TGFBR3: variants seen among roughly 807,000 people sequenced by gnomAD.
TGFBR3 encodes the protein transforming growth factor beta receptor 3.
A neutral mutation model predicts 87.9 loss-of-function variants in TGFBR3; 46 were observed. That is an observed-to-expected ratio of 0.52 (90% CI 0.41 to 0.67). TGFBR3 has a LOEUF of 0.67. Ranked by LOEUF, TGFBR3 falls within the 30% of genes least tolerant of loss-of-function variation. TGFBR3 has a pLI of 0.00. For synonymous variants in TGFBR3, 381 were observed against 391.6 expected (o/e 0.97, Z 0.32); for missense variants, 866 against 1,041.9 (o/e 0.83, Z 2.32).
chr1:91,892,119 T>C (rs968303413), intron 2 of TGFBR3, among the ~76,000 whole-genome samples: 4 of 152,230 alleles, frequency 2.6e-5, no homozygotes, highest in African/African-American at 9.6e-5. Flanking sequence ...CCTGTGACTG[T>C]GCAGAAGCCC....
chr1:91,799,429 T>C (rs1428863235), intron 2 of TGFBR3, among the ~76,000 whole-genome samples: 1 of 152,178 alleles, frequency 6.6e-6, no homozygotes, highest in Admixed American at 6.5e-5. Flanking sequence ...TATGGGCAGG[T>C]GCTCCCTCTG....
intron 1 of TGFBR3, among the ~76,000 whole-genome samples, chr1:91,877,081 A>G (rs374595809): frequency 1.3e-5 from 2 of 152,058 alleles, no homozygotes; most frequent in African/African-American, 4.8e-5. Context: ...CAAACCTCTT[A>G]CCTATCTACC....
Position 91,767,458 on chromosome 1 carries a change from T to C in TGFBR3, c.247-8708A>G, listed in dbSNP as rs1406089943. On this transcript the variant is annotated intron_variant, in intron 3 of 16. Transcript: ENST00000212355. ...TTAAAAATCATGGTGGCAGCAGTAG[T>C]AATAACCATCATCATCATCATCTCC... Among the ~76,000 whole-genome samples, 6 of 133,382 alleles carry C rather than the reference T, an allele frequency of 4.5e-5. 2 individuals are homozygous for C. The highest frequency in any genetic ancestry group is 9.9e-5 in the Non-Finnish European group (6 of 60,806). 87.5% of individuals were successfully genotyped at this position (133,382 alleles called of 152,430 possible). A position where few individuals can be genotyped will look rare whatever the true frequency, so the allele number is the denominator to read the frequency against.
chr1:91,802,485 C>A (rs1675668707), intron 2 of TGFBR3, among the ~76,000 whole-genome samples: 1 of 152,116 alleles, frequency 6.6e-6, no homozygotes, highest in South Asian at 2.1e-4. Context: ...CTCAGCCTCC[C>A]AGGTAGCTAG....
intron 2 of TGFBR3, among the ~76,000 whole-genome samples, chr1:91,849,854 G>A (rs1172562153): frequency 6.6e-6 from 1 of 151,920 alleles, no homozygotes; most frequent in East Asian, 1.9e-4. Context: ...AGGCCGAGGC[G>A]GGCCGATCAC....
At chr1:91,786,482 G>A (rs570225168) in intron 3 of TGFBR3, among the ~76,000 whole-genome samples, 7 of 152,292 alleles carry the variant, frequency 4.6e-5, no homozygotes, top group Non-Finnish European at 7.4e-5. Flanking sequence ...CAGGTGTGGT[G>A]GCTCACACCT....
chr1:91,856,419 G>A (rs189509310), intron 2 of TGFBR3, among the ~76,000 whole-genome samples: 3 of 144,174 alleles, frequency 2.1e-5, no homozygotes, highest in Admixed American at 6.9e-5. Flanking sequence ...GATATCCCCC[G>A]ACCCACCCGG....
intron 3 of TGFBR3, among the ~76,000 whole-genome samples, chr1:91,779,735 C>T (rs1338585696): frequency 1.4e-5 from 2 of 142,562 alleles, no homozygotes; most frequent in Non-Finnish European, 3.0e-5. Flanking sequence ...GAGCATGGAA[C>T]TCAAACTAAT....
intron 3 of TGFBR3, chr1:91,770,925 T>G (rs1487792123): frequency 2.0e-5 from 3 of 152,198 alleles, no homozygotes; most frequent in African/African-American, 7.2e-5. Flanking sequence ...ACTTACACAA[T>G]TTCTGGAGTT....
chr1:91,876,535 G>A (rs1164450263), intron 1 of TGFBR3, among the ~76,000 whole-genome samples: 3 of 151,760 alleles, frequency 2.0e-5, no homozygotes, highest in African/African-American at 4.9e-5. Context: ...TAGGCAGCAG[G>A]GACTACATTT....
Position 91,724,254 on chromosome 1 carries a change from G to A in TGFBR3, c.886-2110C>T, listed in dbSNP as rs1276369801. Among the ~76,000 whole-genome samples the A allele has an allele frequency of 2.0e-5, 3 of 152,262 alleles. No individual in the cohort carries two copies. In the South Asian group the frequency reaches 6.2e-4, roughly 32 times the overall value. ...AAGAAACAAAGAGGAAGGAAGGAAG[G>A]AAAGAGCTAAAATGAGATCATGAAA... On this transcript the variant is annotated intron_variant, in intron 7 of 16. Coordinates refer to ENST00000212355, the MANE Select transcript of TGFBR3 (RefSeq NM_003243.5).
At chr1:91,823,621 C>T (rs1304442922) in intron 2 of TGFBR3, among the ~76,000 whole-genome samples, 4 of 152,132 alleles carry the variant, frequency 2.6e-5, no homozygotes, top group Non-Finnish European at 5.9e-5. Flanking sequence ...AAGTCAGACA[C>T]AAAAGAGCAC....
chr1:91,809,956 C>A (rs1675972669), intron 2 of TGFBR3, among the ~76,000 whole-genome samples: 2 of 152,120 alleles, frequency 1.3e-5, no homozygotes, highest in Admixed American at 1.3e-4. Context: ...AGTTACAGGC[C>A]CATCAAGCAG....
chr1:91,835,407 G>A (rs1008164429), intron 2 of TGFBR3, among the ~76,000 whole-genome samples: 4 of 152,202 alleles, frequency 2.6e-5, no homozygotes, highest in African/African-American at 9.7e-5. Context: ...CACAACACAA[G>A]GAAGAATTTC....
chr1:91,788,194 T>A (rs1303905853), intron 3 of TGFBR3, among the ~76,000 whole-genome samples: 1 of 152,116 alleles, frequency 6.6e-6, no homozygotes, highest in African/African-American at 2.4e-5. Context: ...TGGTTAATAG[T>A]GAACATGTCA....
chr1:91,687,646 G>A (rs946586377), intron 16 of TGFBR3, among the ~76,000 whole-genome samples: 26 of 152,160 alleles, frequency 1.7e-4, no homozygotes, highest in African/African-American at 6.0e-4. Flanking sequence ...TCTCCATGAG[G>A]ATTATTACAA....
chr1:91,873,057 T>TG (rs1678644409), intron 1 of TGFBR3, among the ~76,000 whole-genome samples: 1 of 151,914 alleles, frequency 6.6e-6, no homozygotes, highest in African/African-American at 2.4e-5. Context: ...TCGAACTCCT[T>TG]GGCTCAAGCT....
At chr1:91,811,616 T>C (rs901213947) in intron 2 of TGFBR3, among the ~76,000 whole-genome samples, 21 of 152,274 alleles carry the variant, frequency 1.4e-4, no homozygotes, top group African/African-American at 5.1e-4. Context: ...AGCAGAGATA[T>C]CAGTTCAATA....
rs371979320 is a variant in TGFBR3, at chr1:91,800,330, A to ATGTG, written c.62-2863_62-2860dup. 8.5e-3 allele frequency among the ~76,000 whole-genome samples: 1,156 copies of ATGTG among 136,208 alleles called. 5 individuals are homozygous for ATGTG. Among genetic ancestry groups the ATGTG allele is most frequent in the African/African-American group, 0.024 (850 of 34,702 alleles). 89.4% of individuals were successfully genotyped at this position (136,208 alleles called of 152,430 possible). On this transcript the variant is annotated intron_variant, in intron 2 of 16. Transcript: ENST00000212355. ...TGCATATATGTATATATATGTGTAT[A>ATGTG]TGTGTGTGTGTGTGTGTGTGTGTGT...
Sources: allele counts gnomAD v4.1 joint callset (sites outside exome capture counted in the v4.1 genomes callset), GRCh38; gene constraint gnomAD v4.1.1; transcripts MANE v1.5; gene names NCBI Gene and HGNC (gene_info 2026-07-23, HGNC 2026-07-21).